The following SFMBT2 variants were observed in gnomAD, a reference collection of about 807,000 sequenced individuals.
SFMBT2 encodes scm-like with four MBT domains protein 2.
Under a neutral mutation model 110.1 loss-of-function variants are expected in SFMBT2, and 38 were observed. That is an observed-to-expected ratio of 0.35 (90% CI 0.27 to 0.45). The LOEUF (loss-of-function observed/expected upper bound fraction) is 0.45. SFMBT2 is among the 20% of genes least tolerant of loss of function. The pLI, the probability that SFMBT2 is intolerant of heterozygous loss-of-function variation, is 1.00. For missense variants in SFMBT2, 1,011 were observed against 1,094.9 expected, an observed-to-expected ratio of 0.92 and a Z score of 1.08; for synonymous variants, 425 against 425.4, an observed-to-expected ratio of 1.00 and a Z score of 0.01.
chr10:7,300,801 C>T (rs897866451), intron 4 of SFMBT2, among the ~76,000 whole-genome samples: 1 of 152,178 alleles, frequency 6.6e-6, no homozygotes, highest in Non-Finnish European at 1.5e-5. Context: ...AGTTAGAGCA[C>T]TGGATTAAAG....
intron 4 of SFMBT2, among the ~76,000 whole-genome samples, chr10:7,298,707 A>G (rs1842478353): frequency 6.6e-6 from 1 of 151,796 alleles, no homozygotes; most frequent in Admixed American, 6.6e-5. Context: ...ATGTGTGTGC[A>G]TATGTGCGTA....
intron 4 of SFMBT2, among the ~76,000 whole-genome samples, chr10:7,322,442 T>G (rs1014399862): frequency 2.0e-5 from 3 of 152,154 alleles, no homozygotes; most frequent in African/African-American, 7.2e-5. Context: ...TACTCACACC[T>G]GTGATGAAAA....
chr10:7,188,798 C>T (rs1436215140), intron 15 of SFMBT2, 65 bp from the exon 16 acceptor site: 2 of 1,335,128 alleles, frequency 1.5e-6, no homozygotes, highest in Admixed American at 1.9e-5. Context: ...CACAAGGATG[C>T]TTTGAAAACC....
Position 7,293,109 on chromosome 10 carries a change from C to T in SFMBT2, c.437-7155G>A, listed in dbSNP as rs924003913. Among the ~76,000 whole-genome samples, 5 of 152,116 alleles carry T rather than the reference C, an allele frequency of 3.3e-5. No homozygotes were observed. Among genetic ancestry groups the T allele is most frequent in the African/African-American group, 1.2e-4 (5 of 41,420 alleles). The stretch of plus-strand genomic sequence containing the variant: ...TCTCACTCTGTCTGGAATGCAGTGG[C>T]GCGATCTCGACTCACTGCAACCTCC... On this transcript the variant is annotated intron_variant, in intron 4 of 20. Transcript: ENST00000397167. The surrounding 1 kb of genome is among the most constrained non-coding windows in gnomAD (Gnocchi z 4.6).
chr10:7,171,435 T>C lies in SFMBT2; in HGVS notation c.2416-379A>G, dbSNP rs1837869032. 1 of 985,320 alleles carries C rather than the reference T, an allele frequency of 1.0e-6. No homozygotes were observed. The highest frequency in any genetic ancestry group is 1.2e-6 in the Non-Finnish European group (1 of 829,934). The allele number at this position is 985,320 out of a possible 1,614,324, so 61.0% of individuals were successfully genotyped here. A position where few individuals can be genotyped will look rare whatever the true frequency, so the allele number is the denominator to read the frequency against. ...TCCCCCAGTGTTTCTGTAATGGTGGTGCCAGTGGCCCTTTCTGCTGATCTC... is the reference window on the plus strand; with the variant it reads ...TCCCCCAGTGTTTCTGTAATGGTGGCGCCAGTGGCCCTTTCTGCTGATCTC... On this transcript the variant is annotated intron_variant, in intron 19 of 20. Transcript: ENST00000397167. The surrounding 1 kb of genome is among the most constrained non-coding windows in gnomAD (Gnocchi z 4.9).
At chr10:7,329,658 T>G in intron 4 of SFMBT2, 1 of 265,802 alleles carries the variant, frequency 3.8e-6, no homozygotes, top group Non-Finnish European at 5.8e-6. Flanking sequence ...TGCTCCACAA[T>G]AACCGGGGCC....
Position 7,243,626 on chromosome 10 carries a change from G to T in SFMBT2, c.1052C>A (p.Ala351Glu), listed in dbSNP as rs1164281001. ...EPSKLSMLCH[A>E]DSLGILPVQW... is the part of the protein sequence containing the mutation. ...TACTGGCAAAATCCCCAAAGAATCT[G>T]CATGGCACAGCATTGACAGTTTACT... Residue 351 changes from alanine to glutamate, a missense_variant, in exon 9 of 21, where the codon GCA becomes GAA. This residue lies in a region of SFMBT2 where 979 missense variants were observed against 1,016.1 expected (regional missense o/e 0.96). Transcript: ENST00000397167. The T allele has an allele frequency of 9.2e-6, 8 of 872,732 alleles. No individual in the cohort carries two copies. The highest frequency in any genetic ancestry group is 5.1e-5 in the Admixed American group (3 of 59,160). 54.1% of individuals were successfully genotyped at this position (872,732 alleles called of 1,614,324 possible).
chr10:7,268,961 A>G (rs546558053), intron 7 of SFMBT2, among the ~76,000 whole-genome samples: 262 of 152,270 alleles, frequency 1.7e-3, no homozygotes, highest in South Asian at 7.3e-3. Flanking sequence ...CAGTGCAGTC[A>G]CCTCTACAGA....
chr10:7,168,113 G>A (rs1354613246), intron 20 of SFMBT2, among the ~76,000 whole-genome samples: 3 of 151,872 alleles, frequency 2.0e-5, no homozygotes, highest in South Asian at 4.2e-4. Context: ...GGACAGTGTC[G>A]GCAGTGTTCC....
chr10:7,403,533 T>C (rs775135195), intron 1 of SFMBT2, among the ~76,000 whole-genome samples: 1 of 152,066 alleles, frequency 6.6e-6, no homozygotes, highest in Non-Finnish European at 1.5e-5. Context: ...TTCCAGCTAC[T>C]TGGGAGGCTG....
At position 7,171,907 on chromosome 10, in the gene SFMBT2, G is replaced by T; in HGVS notation, c.2403C>A (p.Pro801=). The change falls in exon 19 of 21, where the codon CCC becomes CCA. Residue 801 remains proline, a synonymous_variant. Transcript: ENST00000397167. This position sits in a 1 kb window ranked among gnomAD's most constrained non-coding sequence, Gnocchi z 4.9. The part of the protein sequence containing the change: ...EEGEKCPPTK[P]EGTEDTKQEE... ...GCCCGGGCATCACCTCTGTCCCCTCGGGCTTGGTCGGCGGGCACTTCTCCC... is the reference window on the plus strand; with the variant it reads ...GCCCGGGCATCACCTCTGTCCCCTCTGGCTTGGTCGGCGGGCACTTCTCCC... 1 of 1,433,992 alleles carries T rather than the reference G, an allele frequency of 7.0e-7. No individual in the cohort carries two copies. The allele number at this position is 1,433,992 out of a possible 1,614,324, so 88.8% of individuals were successfully genotyped here. A position where few individuals can be genotyped will look rare whatever the true frequency, so the allele number is the denominator to read the frequency against.
At chr10:7,283,182 T>C (rs1841996288) in intron 6 of SFMBT2, among the ~76,000 whole-genome samples, 2 of 152,222 alleles carry the variant, frequency 1.3e-5, no homozygotes, top group Non-Finnish European at 2.9e-5. Context: ...ACCTGGCACA[T>C]AGTAAACATT....
chr10:7,286,030 A>T, intron 4 of SFMBT2, 76 bp from the exon 5 acceptor site: 2 of 754,404 alleles, frequency 2.7e-6, no homozygotes, highest in Admixed American at 4.0e-5. Flanking sequence ...GTATCCAATC[A>T]ACTTAAAATC....
chr10:7,303,225 T>A (rs1365566841), intron 4 of SFMBT2, among the ~76,000 whole-genome samples: 2 of 152,240 alleles, frequency 1.3e-5, no homozygotes, highest in African/African-American at 4.8e-5. Flanking sequence ...AAAATGAAGC[T>A]TTACTACTAG....
chr10:7,212,885 G>A (rs1839397011), intron 11 of SFMBT2, among the ~76,000 whole-genome samples: 1 of 152,186 alleles, frequency 6.6e-6, no homozygotes, highest in South Asian at 2.1e-4. Context: ...ATACACCATG[G>A]AATACTATGC....
chr10:7,348,727 G>A (rs1285446893), intron 4 of SFMBT2, among the ~76,000 whole-genome samples: 2 of 152,186 alleles, frequency 1.3e-5, no homozygotes, highest in Non-Finnish European at 2.9e-5. Context: ...CAGAAAGCAG[G>A]CAGATTTTTT....
chr10:7,229,594 C>CAA (rs527488752), intron 9 of SFMBT2, among the ~76,000 whole-genome samples: 68 of 116,416 alleles, frequency 5.8e-4, no homozygotes, highest in Admixed American at 1.3e-3. Context: ...GACTCCATCT[C>CAA]AAAAAAAAAA....
At chr10:7,333,121 C>T (rs1401052657) in intron 4 of SFMBT2, among the ~76,000 whole-genome samples, 3 of 152,144 alleles carry the variant, frequency 2.0e-5, no homozygotes, top group Non-Finnish European at 2.9e-5. Flanking sequence ...CCCACCCTGG[C>T]CTCCCAAAGT....
At chr10:7,320,736 C>T (rs566539976) in intron 4 of SFMBT2, 134 of 402,426 alleles carry the variant, frequency 3.3e-4, no homozygotes, top group African/African-American at 2.8e-3. Flanking sequence ...CATGGAGATT[C>T]AAGGCCCAGG....
Sources: gnomAD v4.1 joint callset for allele counts (sites outside exome capture counted in the v4.1 genomes callset) on GRCh38, gnomAD v4.1.1 for gene constraint, gnomAD v4.1.1 regional missense constraint, Gnocchi (gnomAD v3.1) non-coding constraint, MANE v1.5 for transcripts, NCBI Gene and HGNC (gene_info 2026-07-23, HGNC 2026-07-21) for gene names.